The following REM1 variants were observed in gnomAD, a reference collection of about 807,000 sequenced individuals.
REM1 encodes RRAD and GEM like GTPase 1.
REM1 carries 20 observed loss-of-function variants against 27.0 expected under a neutral mutation model. The ratio of observed to expected loss-of-function variants is 0.74; its 90% CI spans 0.52 to 1.08. The LOEUF (loss-of-function observed/expected upper bound fraction) is 1.08, where lower values mean the gene tolerates loss of function less well. Ranked by LOEUF, REM1 falls within the 50% of genes least tolerant of loss-of-function variation. The pLI is 0.00. For synonymous variants in REM1, 159 were observed against 167.9 expected, an observed-to-expected ratio of 0.95 and a Z score of 0.41; for missense variants, 405 against 407.0, an observed-to-expected ratio of 1.00 and a Z score of 0.04.
intron 3 of REM1, among the ~76,000 whole-genome samples, chr20:31,479,329 C>T (rs996503913): frequency 1.8e-4 from 27 of 152,078 alleles, no homozygotes; most frequent in African/African-American, 6.5e-4. Flanking sequence ...GCAGACAGGC[C>T]CTCTGGCTTC....
chr20:31,479,972 C>G (rs1044808557), intron 3 of REM1, among the ~76,000 whole-genome samples: 1 of 151,948 alleles, frequency 6.6e-6, no homozygotes, highest in Non-Finnish European at 1.5e-5. Context: ...GCCTGTAATC[C>G]CAGCTACTCA....
intron 3 of REM1, among the ~76,000 whole-genome samples, chr20:31,479,756 C>A (rs1980651891): frequency 6.6e-6 from 1 of 152,052 alleles, no homozygotes; most frequent in Non-Finnish European, 1.5e-5. Context: ...CTTAGTGTAC[C>A]AGGTTGGCTG....
chr20:31,483,753 T>C (rs1031182153), intron 4 of REM1, among the ~76,000 whole-genome samples: 2 of 143,512 alleles, frequency 1.4e-5, no homozygotes, highest in African/African-American at 2.7e-5. Flanking sequence ...TGGAAGACCC[T>C]ATGCTTTGTG....
chr20:31,476,401 CTTTCAGAAGGAAA>C lies in REM1; in HGVS notation c.-44_-32del. On this transcript the variant is annotated 5_prime_UTR_variant, in exon 2 of 5. Coordinates refer to ENST00000201979, the MANE Select transcript of REM1 (RefSeq NM_014012.6). The stretch of plus-strand genomic sequence containing the variant: ...ATTGGCTGACAGCCAATTCCCCCTT[CTTTCAGAAGGAAA>C]GAAGGAAGAAGCAAACCCCCCCCTA... The C allele has an allele frequency of 6.8e-7, 1 of 1,474,374 alleles. No homozygotes were observed. The highest frequency in any genetic ancestry group is 9.2e-7 in the Non-Finnish European group (1 of 1,091,328). The allele number at this position is 1,474,374 out of a possible 1,614,324, so 91.3% of individuals were successfully genotyped here.
At position 31,476,786 on chromosome 20, in the gene REM1, G is replaced by A. The variant is rs1197744881; in HGVS notation, c.340+1G>A. On this transcript the variant is annotated splice_donor_variant, in intron 2 of 4. Coordinates refer to ENST00000201979, the MANE Select transcript of REM1 (RefSeq NM_014012.6). LOFTEE classifies it high-confidence loss of function. ...AGGGACCTCCATGAACAGCTGGGAG[G>A]TAGGGGCCATATGGGCTGGGCTGGG... 1.2e-6 allele frequency: 2 copies of A among 1,603,084 alleles called. No homozygotes were observed. The highest frequency in any genetic ancestry group is 1.3e-5 in the African/African-American group (1 of 74,588).
In REM1 at chr20:31,484,174, C is replaced by T; in HGVS notation, c.641C>T (p.Ala214Val). 1 of 1,598,894 alleles carries T rather than the reference C, an allele frequency of 6.3e-7. No homozygotes were observed. The highest frequency in any genetic ancestry group is 8.5e-7 in the Non-Finnish European group (1 of 1,171,744). Residue 214 changes from alanine to valine, a missense_variant, in exon 5 of 5, where the codon GCT (alanine) becomes GTT (valine). Physicochemically the swap from Ala to Val is moderately conservative, Grantham distance 64 (BLOSUM62 0). Coordinates refer to ENST00000201979, the MANE Select transcript of REM1 (RefSeq NM_014012.6). ...GCCCCCTTAGAGGGCCGCGCCTGCG[C>T]TGTGGTGTTCGACTGTAAATTCATC... is the stretch of plus-strand genomic sequence containing the variant. ...EVSVEEGRAC[A>V]VVFDCKFIET...
chr20:31,480,522 C>T (rs1044077552), intron 3 of REM1, among the ~76,000 whole-genome samples: 4 of 152,006 alleles, frequency 2.6e-5, no homozygotes, highest in Non-Finnish European at 4.4e-5. Flanking sequence ...AGGGTTTCAC[C>T]ACGTTAGCCA....
In REM1 at chr20:31,482,416, G is replaced by A. The variant is rs769511636; in HGVS notation, c.553G>A (p.Ala185Thr). Residue 185 changes from alanine (A) to threonine (T), a missense_variant, in exon 4 of 5, where the codon GCA (alanine) becomes ACA (threonine). By Grantham distance (58) the Ala-to-Thr change is moderately conservative. Transcript: ENST00000201979. ...LRIQLRRTHQ[A>T]DHVPIILVGN... ...CATCCAGCTGCGGCGCACACATCAG[G>A]CAGACCATGTGCCCATCATCCTCGT... The A allele has an allele frequency of 1.4e-5, 22 of 1,614,024 alleles. 1 individual carries two copies. The highest frequency in any genetic ancestry group is 1.2e-4 in the Admixed American group (7 of 60,006).
Position 31,482,424 on chromosome 20 carries a change from T to C in REM1, c.561T>C (p.His187=), listed in dbSNP as rs373203527. The C allele has an allele frequency of 6.2e-7, 1 of 1,614,046 alleles. No individual in the cohort carries two copies. The highest frequency in any genetic ancestry group is 1.3e-5 in the African/African-American group (1 of 74,940). ...TGCGGCGCACACATCAGGCAGACCA[T>C]GTGCCCATCATCCTCGTGGGCAACA... ...IQLRRTHQAD[H]VPIILVGNKA... The change falls in exon 4 of 5, where the codon CAT becomes CAC. Residue 187 remains histidine, a synonymous_variant. Transcript: ENST00000201979.
At chr20:31,479,266 C>A in intron 3 of REM1, among the ~76,000 whole-genome samples, 1 of 152,230 alleles carries the variant, frequency 6.6e-6, no homozygotes, top group East Asian at 1.9e-4. Flanking sequence ...TTCAGAAATA[C>A]TTGCTGGGTG....
chr20:31,484,793 C>A lies in REM1; in HGVS notation c.*363C>A. Reference sequence around the variant, plus strand: ...CCCAGACCTCTCCATCTCGGCTCTTCCAGGCGTCTCCACCTACTGCCCTCC... The same window carrying A: ...CCCAGACCTCTCCATCTCGGCTCTTACAGGCGTCTCCACCTACTGCCCTCC... On this transcript the variant is annotated 3_prime_UTR_variant, in exon 5 of 5. Transcript: ENST00000201979. 4.5e-6 allele frequency: 1 copy of A among 223,910 alleles called. No homozygotes were observed. Among genetic ancestry groups the A allele is most frequent in the Non-Finnish European group, 8.7e-6 (1 of 115,316 alleles). 13.9% of individuals were successfully genotyped at this position (223,910 alleles called of 1,614,324 possible).
At position 31,482,397 on chromosome 20, in the gene REM1, G is replaced by A. The variant is rs1394048589; in HGVS notation, c.534G>A (p.Gln178=). The A allele has an allele frequency of 6.2e-7, 1 of 1,614,068 alleles. No individual in the cohort carries two copies. Among genetic ancestry groups the A allele is most frequent in the Admixed American group, 1.7e-5 (1 of 60,014 alleles). ...AGAGTGCCTCTGAGCTCCGCATCCA[G>A]CTGCGGCGCACACATCAGGCAGACC... ...SFESASELRI[Q]LRRTHQADHV... Residue 178 remains glutamine (Q), a synonymous_variant, in exon 4 of 5, where the codon CAG becomes CAA. Coordinates refer to ENST00000201979, the MANE Select transcript of REM1 (RefSeq NM_014012.6).
In REM1 at chr20:31,476,459, C is replaced by A; in HGVS notation, c.14C>A (p.Thr5Asn). The change falls in exon 2 of 5, where the codon ACC (threonine) becomes AAC (asparagine). Residue 5 changes from threonine (T) to asparagine (N), a missense_variant. Coordinates refer to ENST00000201979, the MANE Select transcript of REM1 (RefSeq NM_014012.6). MTLN[T>N]EQEAKTPLHR... ...CCCCTACCAAAGATGACACTCAACA[C>A]CGAGCAGGAAGCAAAGACCCCTCTG... 1 of 1,589,848 alleles carries A rather than the reference C, an allele frequency of 6.3e-7. No individual in the cohort carries two copies.
Position 31,484,234 on chromosome 20 carries a change from A to G in REM1, c.701A>G (p.Glu234Gly). ...GCCACGCTGCAGCACAATGTGGCCG[A>G]GCTCTTCGAGGGCGTGGTGCGCCAA... The part of the protein sequence containing the change: ...TSATLQHNVA[E>G]LFEGVVRQLR... The change falls in exon 5 of 5, where the codon GAG (glutamate) becomes GGG (glycine). Residue 234 changes from glutamate (E) to glycine (G), a missense_variant. Physicochemically the swap from Glu to Gly is moderately conservative, Grantham distance 98 (BLOSUM62 -2). Transcript: ENST00000201979. 1.2e-6 allele frequency: 2 copies of G among 1,608,022 alleles called. No individual in the cohort carries two copies. The highest frequency in any genetic ancestry group is 1.7e-6 in the Non-Finnish European group (2 of 1,178,240).
In REM1 at chr20:31,484,611, C is replaced by A; in HGVS notation, c.*181C>A. The A allele has an allele frequency of 1.3e-6, 1 of 766,492 alleles. No homozygotes were observed. The highest frequency in any genetic ancestry group is 1.9e-6 in the Non-Finnish European group (1 of 522,702). 47.5% of individuals were successfully genotyped at this position (766,492 alleles called of 1,614,324 possible). A position where few individuals can be genotyped will look rare whatever the true frequency, so the allele number is the denominator to read the frequency against. The stretch of plus-strand genomic sequence containing the variant: ...TGGGGGATCCCGGGAAAGCGATGGA[C>A]AGACAGACGATGGGGCCGAAGCCCC... On this transcript the variant is annotated 3_prime_UTR_variant, in exon 5 of 5. Coordinates refer to ENST00000201979, the MANE Select transcript of REM1 (RefSeq NM_014012.6).
intron 2 of REM1, among the ~76,000 whole-genome samples, 156 bp downstream of exon 2, chr20:31,476,941 G>A (rs531427299): frequency 3.5e-4 from 54 of 152,224 alleles, no homozygotes; most frequent in Non-Finnish European, 6.0e-4. Flanking sequence ...ATGCCCCCCC[G>A]CCCTCCAAAG....
In REM1 at chr20:31,476,000, A is replaced by G. The variant is rs1187731696; in HGVS notation, c.-219-227A>G. ...AGCGGTGGGGAAGGGGAGGAGGGGG[A>G]CAATTCAGATGTCTTTCAGAGCCAG... On this transcript the variant is annotated intron_variant, in intron 1 of 4. Transcript: ENST00000201979. This position sits in a 1 kb window ranked among gnomAD's most constrained non-coding sequence, Gnocchi z 5.0. Among the ~76,000 whole-genome samples the G allele has an allele frequency of 6.6e-6, 1 of 152,112 alleles. No individual in the cohort carries two copies. Among genetic ancestry groups the G allele is most frequent in the East Asian group, 1.9e-4 (1 of 5,166 alleles).
intron 2 of REM1, 95 bp downstream of exon 2, chr20:31,476,880 T>G (rs974674318): frequency 9.7e-7 from 1 of 1,035,234 alleles, no homozygotes; most frequent in Non-Finnish European, 1.4e-6. Flanking sequence ...GTACAAGTCA[T>G]GCACTGTTCA....
chr20:31,477,935 G>A (rs1479189702), intron 3 of REM1, 25 bp downstream of exon 3: 8 of 1,474,064 alleles, frequency 5.4e-6, no homozygotes, highest in Non-Finnish European at 7.6e-6. Context: ...GCAGAATTTG[G>A]GGAGAGGGGT....
Sources: gnomAD v4.1 joint callset for allele counts (sites outside exome capture counted in the v4.1 genomes callset) on GRCh38, gnomAD v4.1.1 for gene constraint, Gnocchi (gnomAD v3.1) non-coding constraint, MANE v1.5 for transcripts, NCBI Gene and HGNC (gene_info 2026-07-23, HGNC 2026-07-21) for gene names.